MTCL2: variants seen among roughly 807,000 people sequenced by gnomAD.
MTCL2 encodes the protein microtubule cross-linking factor 2.
chr20:36,787,000 T>G, the MTCL2 span, among the ~76,000 whole-genome samples: 723 of 152,224 alleles, frequency 4.7e-3, 7 homozygotes, highest in African/African-American at 0.017. Context: ...TTTTATCCTT[T>G]TTTTTCGTTT....
chr20:36,859,630 C>T, the MTCL2 span: 3 of 1,231,764 alleles, frequency 2.4e-6, no homozygotes, highest in Non-Finnish European at 3.0e-6. Context: ...CCGATTTATG[C>T]TTTCCTCACT....
At chr20:36,847,853 C>CAA in the MTCL2 span, among the ~76,000 whole-genome samples, 48 of 83,560 alleles carry the variant, frequency 5.7e-4, no homozygotes, top group South Asian at 8.8e-4. Flanking sequence ...CAGTCTGACT[C>CAA]AAAAAAAAAA....
the MTCL2 span, among the ~76,000 whole-genome samples, chr20:36,822,130 G>C: frequency 6.6e-5 from 10 of 152,368 alleles, no homozygotes; most frequent in South Asian, 2.1e-3. Flanking sequence ...AAAACAAGGC[G>C]GGCTCAGAGT....
the MTCL2 span, among the ~76,000 whole-genome samples, chr20:36,790,762 G>T: frequency 1.3e-5 from 2 of 148,224 alleles, no homozygotes; most frequent in East Asian, 2.0e-4. Flanking sequence ...TTAATGTAGA[G>T]ATGAGCTCTC....
chr20:36,826,053 C>T, the MTCL2 span, among the ~76,000 whole-genome samples: 1 of 151,456 alleles, frequency 6.6e-6, no homozygotes, highest in Non-Finnish European at 1.5e-5. Flanking sequence ...GTCGCCCAGG[C>T]TGGAGTGCAG....
chr20:36,837,407 C>T, the MTCL2 span, among the ~76,000 whole-genome samples: 101,757 of 151,752 alleles, frequency 0.67, 34,622 homozygotes, highest in East Asian at 0.96. Context: ...GGCTCATGAG[C>T]CTGGGCTCTG....
the MTCL2 span, among the ~76,000 whole-genome samples, chr20:36,852,445 TCTGTC>T: frequency 6.6e-6 from 1 of 151,696 alleles, no homozygotes; most frequent in Non-Finnish European, 1.5e-5. Flanking sequence ...CCCCCAGGAG[TCTGTC>T]AAGGCTCCAG....
the MTCL2 span, among the ~76,000 whole-genome samples, chr20:36,830,332 G>A: frequency 1.3e-5 from 2 of 152,154 alleles, no homozygotes; most frequent in Non-Finnish European, 2.9e-5. Context: ...TTGAGAGGCC[G>A]AGGCAGGGGG....
At chr20:36,821,692 T>C in the MTCL2 span, among the ~76,000 whole-genome samples, 2 of 152,186 alleles carry the variant, frequency 1.3e-5, no homozygotes, top group Non-Finnish European at 1.5e-5. Flanking sequence ...CACTCCAGCC[T>C]GGGCAACAGA....
At chr20:36,822,366 C>T in the MTCL2 span, among the ~76,000 whole-genome samples, 1 of 152,270 alleles carries the variant, frequency 6.6e-6, no homozygotes, top group African/African-American at 2.4e-5. Flanking sequence ...GGCCTGGGGA[C>T]ATGCCCAGCC....
the MTCL2 span, chr20:36,778,131 T>G: frequency 3.3e-6 from 1 of 303,234 alleles, no homozygotes; most frequent in African/African-American, 2.2e-5. Context: ...AAACAAACAA[T>G]GTGTGCTTTC....
the MTCL2 span, among the ~76,000 whole-genome samples, chr20:36,840,110 C>T: frequency 2.6e-4 from 39 of 150,658 alleles, 1 homozygote; most frequent in African/African-American, 7.1e-4. Flanking sequence ...GCGATCTGCC[C>T]GCCTTGGCCT....
At chr20:36,785,697 T>C in the MTCL2 span, 35 of 985,346 alleles carry the variant, frequency 3.6e-5, no homozygotes, top group African/African-American at 3.5e-5. Context: ...AGACTGACTC[T>C]ACCTATTTCT....
the MTCL2 span, among the ~76,000 whole-genome samples, chr20:36,799,465 C>G: frequency 1.3e-5 from 2 of 151,662 alleles, no homozygotes; most frequent in Admixed American, 1.3e-4. Flanking sequence ...GCACTCTAGT[C>G]TGGGCAACAA....
the MTCL2 span, among the ~76,000 whole-genome samples, chr20:36,836,317 G>A: frequency 1.3e-5 from 2 of 150,686 alleles, no homozygotes; most frequent in South Asian, 4.2e-4. Flanking sequence ...TGGGACTATA[G>A]GCACTTGCCA....
At chr20:36,839,128 C>T in the MTCL2 span, 2 of 1,258,310 alleles carry the variant, frequency 1.6e-6, no homozygotes, top group East Asian at 2.3e-5. This position sits in a 1 kb window ranked among gnomAD's most constrained non-coding sequence, Gnocchi z 5.1. Context: ...TGGCCATGGA[C>T]ACACGGAAAT....
chr20:36,838,282 C>A, the MTCL2 span, among the ~76,000 whole-genome samples: 3 of 152,326 alleles, frequency 2.0e-5, no homozygotes, highest in Admixed American at 1.3e-4. Flanking sequence ...GAGGCCTTCA[C>A]TACTTTTCAT....
chr20:36,788,806 CTTT>C, the MTCL2 span, among the ~76,000 whole-genome samples: 2 of 142,596 alleles, frequency 1.4e-5, no homozygotes, highest in Admixed American at 6.9e-5. Context: ...CTTTTCTTTT[CTTT>C]TTTTTTTTTT....
the MTCL2 span, chr20:36,786,779 A>T: frequency 1.4e-6 from 1 of 718,632 alleles, no homozygotes; most frequent in Non-Finnish European, 2.2e-6. Flanking sequence ...CACTGGACCA[A>T]TTTTTTCTTT....
Sources: gnomAD v4.1 joint callset for allele counts (sites outside exome capture counted in the v4.1 genomes callset) on GRCh38, gnomAD v4.1.1 for gene constraint, Gnocchi (gnomAD v3.1) non-coding constraint, MANE v1.5 for transcripts, NCBI Gene and HGNC (gene_info 2026-07-23, HGNC 2026-07-21) for gene names.